The following SLC25A21 variants were observed in gnomAD, a reference collection of about 807,000 sequenced individuals.
SLC25A21 encodes the protein mitochondrial 2-oxodicarboxylate carrier.
Under a neutral mutation model 43.8 loss-of-function variants are expected in SLC25A21, and 47 were observed. The ratio of observed to expected loss-of-function variants is 1.07; its 90% CI spans 0.85 to 1.37. SLC25A21 has a LOEUF of 1.37. Ranked by LOEUF, SLC25A21 falls within the 40% of genes most tolerant of loss-of-function variation. SLC25A21 has a pLI of 0.00. For missense variants in SLC25A21, 352 were observed against 350.2 expected (o/e 1.00, Z -0.04); for synonymous variants, 131 against 121.3 (o/e 1.08, Z -0.52).
At chr14:37,016,377 G>T (rs1344230864) in intron 1 of SLC25A21, among the ~76,000 whole-genome samples, 2 of 152,028 alleles carry the variant, frequency 1.3e-5, no homozygotes, top group Non-Finnish European at 2.9e-5. Context: ...ATTTCTGAGG[G>T]CTCTGTTCTG....
At chr14:36,765,369 C>T (rs1886375055) in intron 3 of SLC25A21, among the ~76,000 whole-genome samples, 3 of 152,184 alleles carry the variant, frequency 2.0e-5, no homozygotes, top group South Asian at 4.1e-4. Flanking sequence ...GGGGAAGCAC[C>T]CAGCCAAGCC....
intron 1 of SLC25A21, among the ~76,000 whole-genome samples, chr14:36,982,312 T>G (rs1960046131): frequency 1.3e-5 from 2 of 152,232 alleles, no homozygotes; most frequent in Non-Finnish European, 2.9e-5. Flanking sequence ...GTATTATGAC[T>G]AACATTCTTA....
chr14:36,929,390 A>G (rs917372624), intron 1 of SLC25A21, among the ~76,000 whole-genome samples: 10 of 152,168 alleles, frequency 6.6e-5, no homozygotes, highest in African/African-American at 2.4e-4. Flanking sequence ...TATTAGGTTT[A>G]ATAATGTTTT....
intron 1 of SLC25A21, among the ~76,000 whole-genome samples, chr14:37,040,903 A>C (rs568703913): frequency 7.0e-4 from 106 of 152,096 alleles, no homozygotes; most frequent in Non-Finnish European, 1.2e-3. Context: ...TTAAGAAGTG[A>C]AAGTAGCTTT....
intron 3 of SLC25A21, among the ~76,000 whole-genome samples, chr14:36,760,023 C>T (rs1222594750): frequency 6.6e-6 from 1 of 152,028 alleles, no homozygotes; most frequent in Non-Finnish European, 1.5e-5. Flanking sequence ...TTCCTTATGT[C>T]ATCTTCATAA....
intron 5 of SLC25A21, among the ~76,000 whole-genome samples, chr14:36,726,956 T>C (rs1016084337): frequency 6.6e-6 from 1 of 152,172 alleles, no homozygotes; most frequent in African/African-American, 2.4e-5. Context: ...AAAGGAATGT[T>C]GTGTAACCTT....
intron 1 of SLC25A21, among the ~76,000 whole-genome samples, chr14:37,085,232 C>T (rs973704915): frequency 2.6e-5 from 4 of 152,130 alleles, no homozygotes; most frequent in Non-Finnish European, 5.9e-5. Flanking sequence ...ACAGACAACA[C>T]GCCACGCTCG....
intron 1 of SLC25A21, among the ~76,000 whole-genome samples, chr14:37,081,249 A>T (rs1211104888): frequency 1.3e-5 from 2 of 152,232 alleles, no homozygotes; most frequent in African/African-American, 2.4e-5. Context: ...TGGCCTAATC[A>T]TCTCTAACAC....
At chr14:36,913,084 A>G (rs1891735440) in intron 1 of SLC25A21, among the ~76,000 whole-genome samples, 2 of 138,144 alleles carry the variant, frequency 1.4e-5, no homozygotes, top group South Asian at 2.3e-4. Context: ...AGTTTTCATT[A>G]TTTTGAAATC....
intron 3 of SLC25A21, among the ~76,000 whole-genome samples, chr14:36,804,893 T>C (rs539522830): frequency 6.6e-5 from 10 of 152,334 alleles, no homozygotes; most frequent in Middle Eastern, 3.4e-3. Context: ...TTGGTTTTGG[T>C]AAAGCCATAC....
chr14:36,988,682 G>T (rs1220449465), intron 1 of SLC25A21, among the ~76,000 whole-genome samples: 2 of 152,170 alleles, frequency 1.3e-5, no homozygotes, highest in Non-Finnish European at 2.9e-5. Context: ...AACTGAGCTG[G>T]AATCTCTGTG....
At chr14:36,955,358 G>C (rs957332959) in intron 1 of SLC25A21, among the ~76,000 whole-genome samples, 1 of 152,174 alleles carries the variant, frequency 6.6e-6, no homozygotes, top group East Asian at 1.9e-4. Flanking sequence ...CTTTTGTACT[G>C]TGATAATTTC....
chr14:36,857,121 T>C (rs2138525138), intron 2 of SLC25A21, among the ~76,000 whole-genome samples: 1 of 152,298 alleles, frequency 6.6e-6, no homozygotes, highest in South Asian at 2.1e-4. Flanking sequence ...TGGAAATTTG[T>C]TGTGTTTAAA....
At chr14:36,993,705 A>G (rs1454161835) in intron 1 of SLC25A21, among the ~76,000 whole-genome samples, 1 of 152,130 alleles carries the variant, frequency 6.6e-6, no homozygotes, top group African/African-American at 2.4e-5. Flanking sequence ...TCTCATCATA[A>G]ATGTTAACTA....
chr14:37,039,043 A>T (rs974235795), intron 1 of SLC25A21, among the ~76,000 whole-genome samples: 6 of 152,176 alleles, frequency 3.9e-5, no homozygotes, highest in Admixed American at 3.3e-4. Context: ...ACCCCAAACA[A>T]TTGCATCTGA....
intron 1 of SLC25A21, among the ~76,000 whole-genome samples, chr14:37,141,006 C>T: frequency 6.6e-6 from 1 of 152,054 alleles, no homozygotes; most frequent in East Asian, 1.9e-4. Context: ...ATTAGCCAGG[C>T]GTGGTGGTGC....
chr14:37,139,845 T>C (rs944814141), intron 1 of SLC25A21, among the ~76,000 whole-genome samples: 1 of 152,234 alleles, frequency 6.6e-6, no homozygotes, highest in Admixed American at 6.5e-5. Flanking sequence ...AGCATTTAAT[T>C]CACCAACAGG....
chr14:36,995,112 C>CT (rs1960343041), intron 1 of SLC25A21, among the ~76,000 whole-genome samples: 3 of 152,120 alleles, frequency 2.0e-5, no homozygotes, highest in African/African-American at 7.2e-5. Context: ...TGTATGATGT[C>CT]TCGTTATACC....
intron 1 of SLC25A21, among the ~76,000 whole-genome samples, chr14:36,882,025 C>T (rs1021358483): frequency 6.6e-6 from 1 of 152,192 alleles, no homozygotes; most frequent in Non-Finnish European, 1.5e-5. Flanking sequence ...CAGTTGACTG[C>T]TCCTTTCTCT....
Sources: allele counts gnomAD v4.1 joint callset (sites outside exome capture counted in the v4.1 genomes callset), GRCh38; gene constraint gnomAD v4.1.1; transcripts MANE v1.5; gene names NCBI Gene and HGNC (gene_info 2026-07-23, HGNC 2026-07-21).